Variants in UBE2E2 observed in about 807,000 individuals in gnomAD.
The protein encoded by UBE2E2 is ubiquitin conjugating enzyme E2 E2.
Under a neutral mutation model 24.7 loss-of-function variants are expected in UBE2E2, and 6 were observed. The ratio of observed to expected loss-of-function variants is 0.24; its 90% CI spans 0.13 to 0.48. The LOEUF (loss-of-function observed/expected upper bound fraction) is 0.48, where lower values mean the gene tolerates loss of function less well. Among genes scored for constraint, UBE2E2 ranks in the 20% least tolerant of loss-of-function variants. UBE2E2 has a pLI of 0.99. For missense variants in UBE2E2, 169 were observed against 245.0 expected, an observed-to-expected ratio of 0.69 and a Z score of 2.07; for synonymous variants, 104 against 83.6, an observed-to-expected ratio of 1.24 and a Z score of -1.33.
intron 3 of UBE2E2, among the ~76,000 whole-genome samples, chr3:23,466,876 T>G (rs183523017): frequency 6.6e-6 from 1 of 152,100 alleles, no homozygotes; most frequent in African/African-American, 2.4e-5. Context: ...AGTCCCAGAG[T>G]CTTATTTCCT....
chr3:23,261,378 T>A (rs1697897578), intron 3 of UBE2E2, among the ~76,000 whole-genome samples: 1 of 152,172 alleles, frequency 6.6e-6, no homozygotes, highest in Admixed American at 6.5e-5. Context: ...CATGGTGATT[T>A]GATACATGTT....
At chr3:23,218,619 G>C (rs1696544775) in intron 3 of UBE2E2, among the ~76,000 whole-genome samples, 2 of 151,770 alleles carry the variant, frequency 1.3e-5, no homozygotes. Flanking sequence ...ATGAACAATT[G>C]AACTGATAAA....
intron 4 of UBE2E2, among the ~76,000 whole-genome samples, chr3:23,519,306 C>G (rs1239952079): frequency 6.6e-6 from 1 of 150,432 alleles, no homozygotes; most frequent in African/African-American, 2.4e-5. Context: ...TATCATTTTT[C>G]TATTTTACAA....
chr3:23,519,881 A>G (rs1272140320), intron 4 of UBE2E2, among the ~76,000 whole-genome samples: 3 of 150,670 alleles, frequency 2.0e-5, no homozygotes, highest in African/African-American at 7.3e-5. Context: ...ACGGAGTTTT[A>G]CCATGTTGCC....
At chr3:23,496,283 A>G (rs1699600284) in intron 3 of UBE2E2, among the ~76,000 whole-genome samples, 2 of 152,182 alleles carry the variant, frequency 1.3e-5, no homozygotes, top group Non-Finnish European at 2.9e-5. Flanking sequence ...GTAATAACGT[A>G]TCTAACACAT....
intron 3 of UBE2E2, among the ~76,000 whole-genome samples, chr3:23,478,721 A>G (rs1373975111): frequency 1.3e-5 from 2 of 152,136 alleles, no homozygotes; most frequent in Admixed American, 1.3e-4. Flanking sequence ...TATTATGTGC[A>G]GAGAGTCATC....
Position 23,363,546 on chromosome 3 carries a change from CAAAG to C in UBE2E2, c.228-136057_228-136054del, listed in dbSNP as rs994735419. ...TTAAACCACCAATGATCAGAAAACA[CAAAG>C]AAAGGCATTACGTAATGGCAACAGG... On this transcript the variant is annotated intron_variant, in intron 3 of 5. Coordinates refer to ENST00000396703, the MANE Select transcript of UBE2E2 (RefSeq NM_152653.4). Among the ~76,000 whole-genome samples the C allele has an allele frequency of 1.5e-4, 23 of 152,270 alleles. 2 individuals are homozygous for C. In the South Asian group the frequency reaches 3.1e-3, roughly 21 times the overall value.
intron 3 of UBE2E2, among the ~76,000 whole-genome samples, chr3:23,453,346 TG>T (rs1198958502): frequency 6.6e-6 from 1 of 151,576 alleles, no homozygotes; most frequent in African/African-American, 2.4e-5. Context: ...CATTTGTTTC[TG>T]TTTTTTTTTG....
intron 3 of UBE2E2, among the ~76,000 whole-genome samples, chr3:23,296,218 T>G (rs1698904422): frequency 6.6e-6 from 1 of 152,212 alleles, no homozygotes; most frequent in African/African-American, 2.4e-5. Flanking sequence ...TTGTTTTAAA[T>G]CTCTATTTTT....
At chr3:23,483,087 G>A (rs1468604787) in intron 3 of UBE2E2, among the ~76,000 whole-genome samples, 1 of 152,176 alleles carries the variant, frequency 6.6e-6, no homozygotes, top group East Asian at 1.9e-4. Flanking sequence ...GTGAACTAAT[G>A]TTGACACCAT....
At chr3:23,209,531 A>G (rs1455720147) in intron 2 of UBE2E2, among the ~76,000 whole-genome samples, 1 of 152,210 alleles carries the variant, frequency 6.6e-6, no homozygotes, top group Non-Finnish European at 1.5e-5. Flanking sequence ...TTTGAAAGAT[A>G]AATTAAATGT....
At chr3:23,417,002 C>T (rs1375876897) in intron 3 of UBE2E2, among the ~76,000 whole-genome samples, 1 of 152,108 alleles carries the variant, frequency 6.6e-6, no homozygotes, top group Non-Finnish European at 1.5e-5. Context: ...GAACATGCTC[C>T]TTTAGCTCGG....
intron 3 of UBE2E2, among the ~76,000 whole-genome samples, chr3:23,424,036 T>C (rs1482201474): frequency 1.3e-5 from 2 of 152,090 alleles, no homozygotes; most frequent in African/African-American, 4.8e-5. Flanking sequence ...GTGCTGAGAG[T>C]GAGTGGATAC....
chr3:23,264,485 G>C (rs1032842214), intron 3 of UBE2E2, among the ~76,000 whole-genome samples: 2 of 152,094 alleles, frequency 1.3e-5, no homozygotes, highest in Non-Finnish European at 2.9e-5. Context: ...TGGGAGATTT[G>C]GGATGATTTC....
intron 3 of UBE2E2, among the ~76,000 whole-genome samples, chr3:23,351,662 T>C (rs1389026986): frequency 1.3e-5 from 2 of 152,064 alleles, no homozygotes; most frequent in African/African-American, 4.8e-5. Context: ...GGTAAAGGGA[T>C]CAATTCAACA....
intron 3 of UBE2E2, among the ~76,000 whole-genome samples, chr3:23,463,985 C>G (rs1698868953): frequency 6.6e-6 from 1 of 152,112 alleles, no homozygotes; most frequent in Non-Finnish European, 1.5e-5. Context: ...ACATTGGGCT[C>G]CATTTCAAAA....
intron 1 of UBE2E2, among the ~76,000 whole-genome samples, chr3:23,206,323 A>T (rs1339850264): frequency 6.6e-6 from 1 of 152,240 alleles, no homozygotes; most frequent in Non-Finnish European, 1.5e-5. Context: ...AAATCCAAGA[A>T]TGAGAATTTA....
chr3:23,233,705 C>G (rs981849757), intron 3 of UBE2E2, among the ~76,000 whole-genome samples: 1 of 151,982 alleles, frequency 6.6e-6, no homozygotes, highest in Admixed American at 6.6e-5. Flanking sequence ...AAATGGACCC[C>G]AAAGAGAACA....
intron 3 of UBE2E2, among the ~76,000 whole-genome samples, chr3:23,362,504 C>A (rs980753305): frequency 5.9e-5 from 9 of 152,170 alleles, no homozygotes; most frequent in Non-Finnish European, 4.4e-5. Context: ...TCCCTCCATC[C>A]CTGCTGGATG....
Sources: gnomAD v4.1 joint callset for allele counts (sites outside exome capture counted in the v4.1 genomes callset) on GRCh38, gnomAD v4.1.1 for gene constraint, MANE v1.5 for transcripts, NCBI Gene and HGNC (gene_info 2026-07-23, HGNC 2026-07-21) for gene names.